Variants in CD6 observed in about 807,000 individuals in gnomAD.
The protein encoded by CD6 is T-cell differentiation antigen CD6.
In CD6, 53 loss-of-function variants were observed where a neutral mutation model predicts 75.3. The ratio of observed to expected loss-of-function variants is 0.70; its 90% CI spans 0.56 to 0.88. CD6 has a LOEUF of 0.88. Ranked by LOEUF, CD6 falls within the 40% of genes least tolerant of loss-of-function variation. The probability of loss-of-function intolerance (pLI) is 0.00; values close to 1 mark genes in which losing one functional copy is unlikely to be tolerated. For synonymous variants in CD6, 359 were observed against 381.5 expected, an observed-to-expected ratio of 0.94 and a Z score of 0.69; for missense variants, 770 against 897.1, an observed-to-expected ratio of 0.86 and a Z score of 1.81.
intron 12 of CD6, 61 bp downstream of exon 12, chr11:61,018,454 G>A (rs1259558225): frequency 1.8e-6 from 2 of 1,139,508 alleles, no homozygotes; most frequent in Non-Finnish European, 2.5e-6. Flanking sequence ...GAGTAAATGA[G>A]TGGGGAACTA....
chr11:61,006,473 C>G (rs1381632568), intron 1 of CD6, 101 bp from the exon 2 acceptor site: 40 of 935,092 alleles, frequency 4.3e-5, no homozygotes, highest in Non-Finnish European at 6.0e-5. Flanking sequence ...CCTCATGTAG[C>G]CACCACAGGC....
At chr11:60,991,139 C>CTTTCTTTTTTTTTTTTTTTTTTT (rs1858045137) in intron 1 of CD6, among the ~76,000 whole-genome samples, 1 of 123,054 alleles carries the variant, frequency 8.1e-6, no homozygotes, top group African/African-American at 3.1e-5. Context: ...CTTTTCTTTT[C>CTTTCTTTTTTTTTTTTTTTTTTT]TTTTTCTTTC....
At chr11:60,999,317 T>C (rs1858462661) in intron 1 of CD6, among the ~76,000 whole-genome samples, 1 of 151,252 alleles carries the variant, frequency 6.6e-6, no homozygotes, top group African/African-American at 2.4e-5. Context: ...ATGGGGGTGA[T>C]GCTTAGAATC....
intron 6 of CD6, 112 bp from the exon 7 acceptor site, chr11:61,013,311 G>C (rs1859237699): frequency 1.6e-6 from 2 of 1,238,602 alleles, no homozygotes; most frequent in East Asian, 2.3e-5. Context: ...AGGAAGCAAG[G>C]AGGAAGATAA....
chr11:61,009,454 GAC>G, intron 4 of CD6, 116 bp from the exon 5 acceptor site: 1 of 905,046 alleles, frequency 1.1e-6, no homozygotes, highest in Non-Finnish European at 1.6e-6. Context: ...GGAGGGAGAA[GAC>G]ACAAGATCTG....
intron 1 of CD6, chr11:60,989,325 C>T (rs1403703962): frequency 1.3e-5 from 2 of 152,288 alleles, no homozygotes; most frequent in Non-Finnish European, 2.9e-5. Flanking sequence ...GCACTCGGCA[C>T]AGAGGAAGTC....
chr11:60,986,099 A>G (rs1438076598), intron 1 of CD6, among the ~76,000 whole-genome samples: 4 of 152,040 alleles, frequency 2.6e-5, no homozygotes, highest in Non-Finnish European at 1.5e-5. Flanking sequence ...TCTCCATTCT[A>G]CTCACCCTCG....
At chr11:60,977,563 C>T (rs1857410057) in intron 1 of CD6, among the ~76,000 whole-genome samples, 1 of 152,234 alleles carries the variant, frequency 6.6e-6, no homozygotes, top group Admixed American at 6.5e-5. Context: ...TTATTCCAGC[C>T]CACCTTCCCA....
At chr11:60,997,374 G>A (rs1157675187) in intron 1 of CD6, among the ~76,000 whole-genome samples, 9 of 138,908 alleles carry the variant, frequency 6.5e-5, no homozygotes, top group African/African-American at 1.6e-4. Flanking sequence ...GCGAGACTCC[G>A]TCTCAAAAAA....
chr11:60,972,162 A>G (rs1198987145), intron 1 of CD6, among the ~76,000 whole-genome samples: 1 of 152,148 alleles, frequency 6.6e-6, no homozygotes, highest in Non-Finnish European at 1.5e-5. Context: ...GTGCCTTACC[A>G]ATGGGTCCCT....
intron 6 of CD6, among the ~76,000 whole-genome samples, 162 bp from the exon 7 acceptor site, chr11:61,013,261 T>C (rs1356022293): frequency 1.3e-5 from 2 of 152,162 alleles, no homozygotes; most frequent in Non-Finnish European, 2.9e-5. Context: ...GAGCGCCTAA[T>C]ATACACCACA....
chr11:60,978,431 GGGA>G (rs1258299344), intron 1 of CD6, among the ~76,000 whole-genome samples: 1 of 152,212 alleles, frequency 6.6e-6, no homozygotes, highest in Non-Finnish European at 1.5e-5. Context: ...CTGCAGCCTG[GGGA>G]GGAGAAGGAA....
At chr11:60,996,868 CA>C (rs1332550792) in intron 1 of CD6, among the ~76,000 whole-genome samples, 2 of 152,154 alleles carry the variant, frequency 1.3e-5, no homozygotes, top group African/African-American at 2.4e-5. Context: ...TACTTGCTGA[CA>C]AAAAGCCTTC....
At chr11:61,014,127 T>A in intron 8 of CD6, 113 bp downstream of exon 8, 28 of 703,938 alleles carry the variant, frequency 4.0e-5, no homozygotes, top group Non-Finnish European at 5.6e-5. Context: ...GGAGATGAGA[T>A]CTGGGCCAGC....
At chr11:61,013,833 G>A (rs765777036) in intron 7 of CD6, 86 bp from the exon 8 acceptor site, 213 of 908,270 alleles carry the variant, frequency 2.3e-4, no homozygotes, top group Non-Finnish European at 3.3e-4. Context: ...GAGGAGGGTG[G>A]TGTGTCGATG....
chr11:61,009,499 G>A (rs186664044), intron 4 of CD6, 73 bp from the exon 5 acceptor site: 1 of 1,371,626 alleles, frequency 7.3e-7, no homozygotes, highest in African/African-American at 1.4e-5. Context: ...GCCTGCACTG[G>A]TGGGTCTGGG....
At chr11:61,018,827 GAAAA>G in intron 12 of CD6, 1 of 238,072 alleles carries the variant, frequency 4.2e-6, no homozygotes. Context: ...CTTTCTACAA[GAAAA>G]CAAACACAAG....
intron 1 of CD6, among the ~76,000 whole-genome samples, chr11:60,994,656 T>C (rs1858219283): frequency 6.6e-6 from 1 of 152,090 alleles, no homozygotes; most frequent in African/African-American, 2.4e-5. Context: ...TAATACTCAC[T>C]CTCTTTCTCT....
chr11:61,004,088 T>C (rs1217162462), intron 1 of CD6, among the ~76,000 whole-genome samples: 2 of 152,158 alleles, frequency 1.3e-5, no homozygotes, highest in African/African-American at 2.4e-5. Flanking sequence ...GGAGAACACA[T>C]TTTTGTCTTT....
Sources: allele counts gnomAD v4.1 joint callset (sites outside exome capture counted in the v4.1 genomes callset), GRCh38; gene constraint gnomAD v4.1.1; transcripts MANE v1.5; gene names NCBI Gene and HGNC (gene_info 2026-07-23, HGNC 2026-07-21).